The following STAU1 variants were observed in gnomAD, a reference collection of about 807,000 sequenced individuals.
The protein encoded by STAU1 is double-stranded RNA-binding protein Staufen homolog 1.
In STAU1, 13 loss-of-function variants were observed where a neutral mutation model predicts 62.9. The ratio of observed to expected loss-of-function variants is 0.21; its 90% CI spans 0.13 to 0.33. The LOEUF (loss-of-function observed/expected upper bound fraction) is 0.33. Among genes scored for constraint, STAU1 ranks in the 10% least tolerant of loss-of-function variants. The probability of loss-of-function intolerance (pLI) is 1.00; values close to 1 mark genes in which losing one functional copy is unlikely to be tolerated. For missense variants in STAU1, 571 were observed against 712.1 expected, an observed-to-expected ratio of 0.80 and a Z score of 2.25; for synonymous variants, 269 against 265.1, an observed-to-expected ratio of 1.01 and a Z score of -0.14.
the STAU1 span, among the ~76,000 whole-genome samples, chr20:49,219,081 G>A: frequency 0.2 from 29,042 of 147,662 alleles, 2,903 homozygotes; most frequent in Non-Finnish European, 0.22. Context: ...AGCAATCACA[G>A]CTAACTGCTT....
chr20:49,192,314 G>A (rs1274847336), upstream of STAU1, among the ~76,000 whole-genome samples: 2 of 139,864 alleles, frequency 1.4e-5, no homozygotes, highest in African/African-American at 2.7e-5. Flanking sequence ...TCACTGCACT[G>A]CAGCCTGGGA....
At position 49,118,315 on chromosome 20, in the gene STAU1, T is replaced by C; in HGVS notation, c.1189+18A>G. The stretch of plus-strand genomic sequence containing the variant: ...CAGAATCACGTTCAGAGGAAGACGA[T>C]ATTAAGATCACACTTACTAGTCCCA... On this transcript the variant is annotated intron_variant, in intron 10 of 13. Transcript: ENST00000371856. 6.2e-7 allele frequency: 1 copy of C among 1,606,090 alleles called. No individual in the cohort carries two copies. The highest frequency in any genetic ancestry group is 8.5e-7 in the Non-Finnish European group (1 of 1,175,080).
At chr20:49,155,581 TAG>T (rs543112277) in intron 3 of STAU1, among the ~76,000 whole-genome samples, 3 of 152,172 alleles carry the variant, frequency 2.0e-5, no homozygotes. Flanking sequence ...AGGATGTATA[TAG>T]AGAGAAATAA....
chr20:49,192,264 T>C (rs2093832245), upstream of STAU1, among the ~76,000 whole-genome samples: 2 of 146,918 alleles, frequency 1.4e-5, no homozygotes, highest in African/African-American at 5.1e-5. Flanking sequence ...GAGAATGGCG[T>C]GAACCCAGGA....
intron 6 of STAU1, chr20:49,134,933 A>G: frequency 6.3e-7 from 1 of 1,597,744 alleles, no homozygotes; most frequent in Non-Finnish European, 8.6e-7. Flanking sequence ...TTTCGACCCT[A>G]AGAATGATAA....
chr20:49,213,201 A>G, the STAU1 span, among the ~76,000 whole-genome samples: 2 of 151,364 alleles, frequency 1.3e-5, no homozygotes, highest in East Asian at 3.9e-4. Context: ...TTTTGCAGCA[A>G]TGGGGGTCTC....
rs1399596246 is a variant in STAU1 at position 49,151,600 on chromosome 20, G to C, written c.492C>G (p.Pro164=). The C allele has an allele frequency of 3.1e-6, 5 of 1,607,974 alleles. No individual in the cohort carries two copies. The South Asian group carries it at 4.5e-5, about 14-fold the overall frequency. The change falls in exon 5 of 14, where the codon CCC becomes CCG. Residue 164 remains proline (P), a synonymous_variant. Coordinates refer to ENST00000371856, the MANE Select transcript of STAU1 (RefSeq NM_017453.4). Reference sequence around the variant, plus strand: ...TCCTCACCTCCAGCCTCTCTGGCAGGGGCTCATTCTGCAGGATCCTCAACG... The same window carrying C: ...TCCTCACCTCCAGCCTCTCTGGCAGCGGCTCATTCTGCAGGATCCTCAACG... ...AKALRILQNE[P]LPERLEVNGR...
At chr20:49,168,360 T>C (rs929361785) in intron 2 of STAU1, among the ~76,000 whole-genome samples, 6 of 152,154 alleles carry the variant, frequency 3.9e-5, no homozygotes, top group African/African-American at 1.4e-4. Context: ...GGATTACAAG[T>C]GTGAGGCACC....
chr20:49,141,088 C>T (rs1047817192), intron 5 of STAU1, among the ~76,000 whole-genome samples: 2 of 151,874 alleles, frequency 1.3e-5, no homozygotes, highest in African/African-American at 4.8e-5. Flanking sequence ...CTCAGACTGT[C>T]GTAAGACTTT....
At chr20:49,118,751 AAAG>A (rs2092393162) in intron 9 of STAU1, among the ~76,000 whole-genome samples, 1 of 152,380 alleles carries the variant, frequency 6.6e-6, no homozygotes, top group East Asian at 1.9e-4. Flanking sequence ...CAAGGTGGGG[AAAG>A]AAGCTTTCAG....
intron 8 of STAU1, among the ~76,000 whole-genome samples, chr20:49,122,038 A>G (rs1488754603): frequency 1.3e-5 from 2 of 152,208 alleles, no homozygotes; most frequent in Non-Finnish European, 2.9e-5. Flanking sequence ...TGTGGAATGA[A>G]AGGATCATTC....
rs1195123464 is a variant in STAU1 at position 49,166,056 on chromosome 20, C to CT, written c.145dup (p.Arg49LysfsTer43). The CT allele has an allele frequency of 6.2e-7, 1 of 1,614,060 alleles. No homozygotes were observed. On this transcript the variant is annotated frameshift_variant, in exon 3 of 14. Coordinates refer to ENST00000371856, the MANE Select transcript of STAU1 (RefSeq NM_017453.4). LOFTEE classifies it high-confidence loss of function. ...GGGTAAAGCAGAGTTTTGAATGGGTCTACCTGCATTTTCAGAGGGCAGAGA... is the reference window on the plus strand; with the variant it reads ...GGGTAAAGCAGAGTTTTGAATGGGTCTTACCTGCATTTTCAGAGGGCAGAGA...
At chr20:49,172,852 A>C (rs1324744538) in intron 2 of STAU1, among the ~76,000 whole-genome samples, 3 of 151,556 alleles carry the variant, frequency 2.0e-5, no homozygotes, top group Non-Finnish European at 4.4e-5. Context: ...GAGTCAAAAC[A>C]CTAAAGGAAT....
the STAU1 span, among the ~76,000 whole-genome samples, chr20:49,204,642 A>AT: frequency 5.9e-5 from 3 of 50,564 alleles, no homozygotes; most frequent in African/African-American, 2.6e-4. Flanking sequence ...ATATATATAT[A>AT]TATATTTTTT....
intron 7 of STAU1, among the ~76,000 whole-genome samples, chr20:49,124,120 T>C (rs576934719): frequency 1.8e-4 from 28 of 152,332 alleles, no homozygotes; most frequent in Admixed American, 1.0e-3. Context: ...TACCCCACTG[T>C]GATCGCCAGG....
Position 49,118,360 on chromosome 20 carries a change from G to T in STAU1, c.1162C>A (p.Pro388Thr), listed in dbSNP as rs201914108. ...GDGRKVTFFE[P>T]GSGDENGTSN... is the part of the protein sequence containing the mutation. ...GTCCCATTTTCATCCCCAGAGCCAG[G>T]TTCAAAAAAGGTTACTTTTCTTCCA... The change falls in exon 10 of 14, where the codon CCT (proline) becomes ACT (threonine). Residue 388 changes from proline to threonine, a missense_variant. By Grantham distance (38) the Pro-to-Thr change is conservative. Around this residue, in one of 3 missense-constraint regions of STAU1, gnomAD observed 414 missense variants for 499.6 expected, o/e 0.83. Transcript: ENST00000371856. 1 of 1,612,582 alleles carries T rather than the reference G, an allele frequency of 6.2e-7. No homozygotes were observed. Among genetic ancestry groups the T allele is most frequent in the East Asian group, 2.2e-5 (1 of 44,812 alleles).
the STAU1 span, among the ~76,000 whole-genome samples, chr20:49,197,148 CTGT>C: frequency 0.28 from 41,831 of 151,038 alleles, 6,396 homozygotes; most frequent in East Asian, 0.52. Context: ...GAGTGAGACT[CTGT>C]CTCCAAAAAA....
Position 49,124,362 on chromosome 20 carries a change from G to T in STAU1, c.822+13C>A. ...GTAATGAAAACACCTTCTGTGTTCA[G>T]AAAAGTTCTCACCTTGACTATGGGT... On this transcript the variant is annotated intron_variant, in intron 7 of 13. Coordinates refer to ENST00000371856, the MANE Select transcript of STAU1 (RefSeq NM_017453.4). The T allele has an allele frequency of 6.2e-7, 1 of 1,612,610 alleles. No homozygotes were observed. The highest frequency in any genetic ancestry group is 1.3e-5 in the African/African-American group (1 of 74,824).
chr20:49,173,015 T>C (rs2093616922), intron 2 of STAU1, among the ~76,000 whole-genome samples: 2 of 151,804 alleles, frequency 1.3e-5, no homozygotes, highest in South Asian at 4.1e-4. Context: ...GCTAATGTTT[T>C]TTGTATTTTT....
Sources: allele counts gnomAD v4.1 joint callset (sites outside exome capture counted in the v4.1 genomes callset), GRCh38; gene constraint gnomAD v4.1.1; regional missense constraint gnomAD v4.1.1; transcripts MANE v1.5; gene names NCBI Gene and HGNC (gene_info 2026-07-23, HGNC 2026-07-21).